The following TAF9B variants were observed in gnomAD, a reference collection of about 807,000 sequenced individuals.
The protein encoded by TAF9B is transcription initiation factor TFIID subunit 9B.
Under a neutral mutation model 17.6 loss-of-function variants are expected in TAF9B, and 47 were observed. That is an observed-to-expected ratio of 2.68 (90% CI 2.12 to 3.41). The LOEUF is 3.41. Among genes scored for constraint, TAF9B ranks in the 30% most tolerant of loss-of-function variants. TAF9B has a pLI of 0.00. For missense variants in TAF9B, 218 were observed against 189.3 expected, an observed-to-expected ratio of 1.15 and a Z score of -0.89; for synonymous variants, 84 against 68.7, an observed-to-expected ratio of 1.22 and a Z score of -1.10.
rs1412989131 is a variant in TAF9B, at chrX:78,130,823, C to CT, written c.*786dup. 5 of 112,255 alleles carry CT rather than the reference C, an allele frequency of 4.5e-5. No homozygotes were observed. Among genetic ancestry groups the CT allele is most frequent in the African/African-American group, 1.6e-4 (5 of 30,885 alleles). 9.3% of individuals were successfully genotyped at this position (112,255 alleles called of 1,213,427 possible). A position where few individuals can be genotyped will look rare whatever the true frequency, so the allele number is the denominator to read the frequency against. On this transcript the variant is annotated 3_prime_UTR_variant, in exon 7 of 7. Transcript: ENST00000341864. Reference sequence around the variant, plus strand: ...CAGTAAAGCTTAACAGGCATAAAAACTAAGGGGTAAAACCCAACTGCTCTG... The same window carrying CT: ...CAGTAAAGCTTAACAGGCATAAAAACTTAAGGGGTAAAACCCAACTGCTCTG...
At chrX:78,137,550 T>C (rs868983326) in intron 4 of TAF9B, among the ~76,000 whole-genome samples, 199 bp downstream of exon 4, 62 of 111,682 alleles carry the variant, frequency 5.6e-4, no homozygotes, top group African/African-American at 2.0e-3. Flanking sequence ...CAGGCCCTGC[T>C]TCCTGATGTG....
intron 4 of TAF9B, 65 bp downstream of exon 4, chrX:78,137,683 CT>C: frequency 9.6e-7 from 1 of 1,039,355 alleles, no homozygotes; most frequent in South Asian, 2.4e-5. Flanking sequence ...CAGGAATTTG[CT>C]TTTCACAAAG....
At chrX:78,134,133 C>G (rs2078425516) in intron 5 of TAF9B, among the ~76,000 whole-genome samples, 1 of 111,307 alleles carries the variant, frequency 9.0e-6, no homozygotes, top group Non-Finnish European at 1.9e-5. Context: ...GTCTAAACCC[C>G]CAGTCATCTA....
intron 5 of TAF9B, among the ~76,000 whole-genome samples, chrX:78,135,291 T>A (rs2078429801): frequency 9.8e-6 from 1 of 102,429 alleles, no homozygotes. Flanking sequence ...AACTTGCATC[T>A]TTATGCCTGG....
chrX:78,139,198 T>C (rs781961981), intron 1 of TAF9B, among the ~76,000 whole-genome samples: 4 of 111,508 alleles, frequency 3.6e-5, no homozygotes, highest in Admixed American at 9.5e-5. Context: ...GGTAAGTAGC[T>C]CCAGCTGGTT....
intron 3 of TAF9B, 25 bp from the exon 4 acceptor site, chrX:78,137,908 A>G: frequency 8.4e-7 from 1 of 1,197,601 alleles, no homozygotes; most frequent in Non-Finnish European, 1.1e-6. Context: ...CCTTATTAGA[A>G]CTACAGTTTT....
In TAF9B at chrX:78,136,958, T is replaced by TA. The variant is rs1557250116; in HGVS notation, c.437dup (p.Leu146PhefsTer7). The stretch of plus-strand genomic sequence containing the variant: ...GTTTGCTACTAACAGCACCAACACT[T>TA]AATCGTGGAACTAGTCTCCCTTGGT... On this transcript the variant is annotated frameshift_variant, in exon 5 of 7. Coordinates refer to ENST00000341864, the MANE Select transcript of TAF9B (RefSeq NM_015975.5). LOFTEE classifies it high-confidence loss of function. 3 of 1,206,956 alleles carry TA rather than the reference T, an allele frequency of 2.5e-6. No individual in the cohort carries two copies. The highest frequency in any genetic ancestry group is 4.3e-5 in the Admixed American group (2 of 45,991).
rs1557249414 is a variant in TAF9B, at chrX:78,131,253, T to C, written c.*357A>G. The C allele has an allele frequency of 8.0e-6, 1 of 124,507 alleles. No individual in the cohort carries two copies. Among genetic ancestry groups the C allele is most frequent in the Non-Finnish European group, 1.6e-5 (1 of 62,032 alleles). 10.3% of individuals were successfully genotyped at this position (124,507 alleles called of 1,213,427 possible). ...TATAAAATAAAGTAGTATTTAAATG[T>C]AGATCAGAAATTATGCTGTCAAAGA... is the stretch of plus-strand genomic sequence containing the variant. On this transcript the variant is annotated 3_prime_UTR_variant, in exon 7 of 7. Transcript: ENST00000341864.
chrX:78,136,757 A>G (rs900169053), intron 5 of TAF9B, among the ~76,000 whole-genome samples, 158 bp downstream of exon 5: 5 of 112,252 alleles, frequency 4.5e-5, no homozygotes, highest in Non-Finnish European at 9.4e-5. Flanking sequence ...ATCCAGTAAC[A>G]TGTATGTTTA....
Position 78,131,461 on chromosome X carries a change from A to G in TAF9B, c.*149T>C. 2.3e-6 allele frequency: 1 copy of G among 439,830 alleles called. No homozygotes were observed. Among genetic ancestry groups the G allele is most frequent in the Non-Finnish European group, 3.8e-6 (1 of 262,503 alleles). 36.2% of individuals were successfully genotyped at this position (439,830 alleles called of 1,213,427 possible). On this transcript the variant is annotated 3_prime_UTR_variant, in exon 7 of 7. Transcript: ENST00000341864. ...TGAAAAACACATTTGTATGTTTACT[A>G]AAGAGATCTAACAGTTTTAACTGAC...
intron 6 of TAF9B, among the ~76,000 whole-genome samples, 160 bp from the exon 7 acceptor site, chrX:78,131,933 C>A (rs782467348): frequency 8.9e-6 from 1 of 112,519 alleles, no homozygotes; most frequent in South Asian, 3.6e-4. Context: ...GGTACTTATA[C>A]TGCAATGAGT....
In TAF9B at chrX:78,133,399, T is replaced by C. The variant is rs782150887; in HGVS notation, c.531A>G (p.Ser177=). ...SVPNKVATPM[S]VTSQRFTVQI... is the part of the protein sequence containing the mutation. Reference sequence around the variant, plus strand: ...GCACCGTAAATCTTTGGCTTGTCACTGACATTGGAGTTGCAACTTTATTTG... The same window carrying C: ...GCACCGTAAATCTTTGGCTTGTCACCGACATTGGAGTTGCAACTTTATTTG... Residue 177 remains serine (S), a synonymous_variant, in exon 6 of 7, where the codon TCA becomes TCG. Coordinates refer to ENST00000341864, the MANE Select transcript of TAF9B (RefSeq NM_015975.5). The C allele has an allele frequency of 1.3e-5, 16 of 1,210,340 alleles. No homozygotes were observed. In the Admixed American group the frequency reaches 3.5e-4, roughly 26 times the overall value.
At chrX:78,136,686 G>A (rs944461827) in intron 5 of TAF9B, among the ~76,000 whole-genome samples, 8 of 111,979 alleles carry the variant, frequency 7.1e-5, no homozygotes, top group Non-Finnish European at 1.1e-4. Context: ...AACAATGGGG[G>A]CAATGTCCAA....
chrX:78,130,726 T>C lies in TAF9B; in HGVS notation c.*884A>G, dbSNP rs2078406400. The C allele has an allele frequency of 8.9e-6, 1 of 112,557 alleles. No homozygotes were observed. The highest frequency in any genetic ancestry group is 1.9e-5 in the Non-Finnish European group (1 of 53,296). The allele number at this position is 112,557 out of a possible 1,213,427, so 9.3% of individuals were successfully genotyped here. ...CTGTTAAATTTAGAAATGTGAAACA[T>C]GGAAGAGTTATCAACTTGGAATACA... is the stretch of plus-strand genomic sequence containing the variant. On this transcript the variant is annotated 3_prime_UTR_variant, in exon 7 of 7. Coordinates refer to ENST00000341864, the MANE Select transcript of TAF9B (RefSeq NM_015975.5).
intron 1 of TAF9B, 58 bp from the exon 2 acceptor site, chrX:78,138,982 A>G (rs1241963984): frequency 3.0e-5 from 27 of 890,466 alleles, no homozygotes; most frequent in Non-Finnish European, 4.4e-5. Flanking sequence ...TCAAGGCTGC[A>G]CTGAAGGGTA....
chrX:78,135,599 CAAAAAAT>C (rs2078431087), intron 5 of TAF9B, among the ~76,000 whole-genome samples: 1 of 109,167 alleles, frequency 9.2e-6, no homozygotes, highest in East Asian at 2.9e-4. Flanking sequence ...GAGTCTGTCT[CAAAAAAT>C]AAAAAATAAA....
rs782754434 is a variant in TAF9B, at chrX:78,136,915, C to CTA, written c.479_480dup (p.Ala161Ter). 2 of 1,193,744 alleles carry CTA rather than the reference C, an allele frequency of 1.7e-6. No individual in the cohort carries two copies. Among genetic ancestry groups the CTA allele is most frequent in the African/African-American group, 3.5e-5 (2 of 56,989 alleles). Reference sequence around the variant, plus strand: ...AATGCCATTGTCTCCTCTCACTTACCTATAGTAGGAGTAGTAGGTTTGCTA... The same window carrying CTA: ...AATGCCATTGTCTCCTCTCACTTACCTATATAGTAGGAGTAGTAGGTTTGCTA... On this transcript the variant is annotated frameshift_variant and splice_region_variant, in exon 5 of 7. Coordinates refer to ENST00000341864, the MANE Select transcript of TAF9B (RefSeq NM_015975.5). LOFTEE classifies it high-confidence loss of function.
rs941600329 is a variant in TAF9B, at chrX:78,133,783, A to G, written c.482-335T>C. ...TCCTCTGTAAAATGGGGGATATATC[A>G]CCCATTTCATATAATTATTGTGAAA... On this transcript the variant is annotated intron_variant, in intron 5 of 6. Transcript: ENST00000341864. Among the ~76,000 whole-genome samples, 3 of 110,874 alleles carry G rather than the reference A, an allele frequency of 2.7e-5. No individual in the cohort carries two copies. In the Admixed American group the frequency reaches 2.9e-4, roughly 11 times the overall value.
intron 5 of TAF9B, among the ~76,000 whole-genome samples, chrX:78,135,514 G>T (rs1407304322): frequency 1.8e-5 from 2 of 109,427 alleles, no homozygotes; most frequent in Non-Finnish European, 3.8e-5. Context: ...AGAATTGCTT[G>T]AACCCAGGAG....
Sources: allele counts gnomAD v4.1 joint callset (sites outside exome capture counted in the v4.1 genomes callset), GRCh38; gene constraint gnomAD v4.1.1; transcripts MANE v1.5; gene names NCBI Gene and HGNC (gene_info 2026-07-23, HGNC 2026-07-21).